Variants in NPAS2 observed in about 807,000 individuals in gnomAD.
NPAS2 encodes neuronal PAS domain-containing protein 2.
Under a neutral mutation model 107.5 loss-of-function variants are expected in NPAS2, and 23 were observed. That is an observed-to-expected ratio of 0.21 (90% CI 0.15 to 0.30). NPAS2 has a LOEUF of 0.30. Among genes scored for constraint, NPAS2 ranks in the 10% least tolerant of loss-of-function variants. The pLI is 1.00. For missense variants in NPAS2, 756 were observed against 1,043.3 expected, an observed-to-expected ratio of 0.72 and a Z score of 3.79; for synonymous variants, 403 against 417.5, an observed-to-expected ratio of 0.97 and a Z score of 0.42.
At chr2:100,958,707 T>C (rs539567549) in intron 7 of NPAS2, among the ~76,000 whole-genome samples, 1 of 152,090 alleles carries the variant, frequency 6.6e-6, no homozygotes, top group Non-Finnish European at 1.5e-5. Flanking sequence ...GGGGGGACCT[T>C]TCATACAAGT....
rs184820068 is a variant in NPAS2 at position 100,953,330 on chromosome 2, C to T, written c.598+3850C>T. Among the ~76,000 whole-genome samples the T allele has an allele frequency of 9.8e-4, 147 of 149,522 alleles. 2 individuals carry two copies. The East Asian group carries it at 0.022, about 23-fold the overall frequency. ...CGGAGGTTACAGTGAGTCGAGATCACGCCACAGTACTCCAGCCTGGGTGAC... is the reference window on the plus strand; with the variant it reads ...CGGAGGTTACAGTGAGTCGAGATCATGCCACAGTACTCCAGCCTGGGTGAC... On this transcript the variant is annotated intron_variant, in intron 7 of 20. Transcript: ENST00000335681.
intron 5 of NPAS2, among the ~76,000 whole-genome samples, chr2:100,946,245 T>A (rs1463662750): frequency 6.6e-6 from 1 of 151,766 alleles, no homozygotes; most frequent in Non-Finnish European, 1.5e-5. Flanking sequence ...CATGGAGGGG[T>A]AGAACCTGCT....
At chr2:100,961,711 C>T (rs550118060) in intron 7 of NPAS2, among the ~76,000 whole-genome samples, 35 of 152,316 alleles carry the variant, frequency 2.3e-4, no homozygotes, top group Admixed American at 5.9e-4. Context: ...GCAACCAGGG[C>T]CTCCCACTTC....
intron 5 of NPAS2, among the ~76,000 whole-genome samples, chr2:100,944,655 T>C (rs1674777951): frequency 2.0e-5 from 3 of 152,224 alleles, no homozygotes; most frequent in Non-Finnish European, 1.5e-5. Flanking sequence ...GTTTTCAGCA[T>C]GTGGAAGTAG....
chr2:100,882,164 C>T (rs1239355307), intron 1 of NPAS2, among the ~76,000 whole-genome samples: 2 of 152,226 alleles, frequency 1.3e-5, no homozygotes, highest in Non-Finnish European at 2.9e-5. Context: ...TACCCACCAC[C>T]TGGTTTCCCC....
At chr2:100,874,041 C>T (rs571421634) in intron 1 of NPAS2, among the ~76,000 whole-genome samples, 3 of 132,600 alleles carry the variant, frequency 2.3e-5, no homozygotes, top group Non-Finnish European at 4.9e-5. Flanking sequence ...AGTGCAGTGG[C>T]GTGATCTCGG....
chr2:100,844,770 G>A (rs762668600), intron 1 of NPAS2, among the ~76,000 whole-genome samples: 1 of 152,190 alleles, frequency 6.6e-6, no homozygotes, highest in African/African-American at 2.4e-5. Context: ...AATGGGTTGT[G>A]TATAGTTGCG....
rs1170620508 is a variant in NPAS2 at position 100,925,151 on chromosome 2, C to A, written c.38C>A (p.Ser13Tyr). 1.1e-5 allele frequency: 18 copies of A among 1,610,680 alleles called. No individual in the cohort carries two copies. Among genetic ancestry groups the A allele is most frequent in the Non-Finnish European group, 1.5e-5 (18 of 1,177,466 alleles). Reference protein sequence around the residue: ...EDEKDRAKRASRNKSEKKRRD... With the variant: ...EDEKDRAKRAYRNKSEKKRRD... ...TGCTCGTTTTGTGTTTACAGAGCTTCTCGAAACAAGTCTGAGAAGAAGCGT... is the reference window on the plus strand; with the variant it reads ...TGCTCGTTTTGTGTTTACAGAGCTTATCGAAACAAGTCTGAGAAGAAGCGT... Residue 13 changes from serine (S) to tyrosine (Y), a missense_variant, in exon 3 of 21, where the codon TCT (serine) becomes TAT (tyrosine). Ser to Tyr is a moderately radical substitution (Grantham distance 144). This residue lies in a region of NPAS2 where 146 missense variants were observed against 249.6 expected (regional missense o/e 0.58). Coordinates refer to ENST00000335681, the MANE Select transcript of NPAS2 (RefSeq NM_002518.4).
chr2:100,852,473 T>C (rs931465496), intron 1 of NPAS2, among the ~76,000 whole-genome samples: 4 of 152,140 alleles, frequency 2.6e-5, no homozygotes, highest in Non-Finnish European at 4.4e-5. Context: ...GAGGCAAGAA[T>C]TTTCCCCCAT....
chr2:100,967,741 A>T (rs749563739), intron 10 of NPAS2, among the ~76,000 whole-genome samples: 1 of 151,944 alleles, frequency 6.6e-6, no homozygotes, highest in Non-Finnish European at 1.5e-5. Context: ...AGACATCACT[A>T]TGGGGGGGCT....
At chr2:100,937,348 T>C (rs1684391249) in intron 4 of NPAS2, among the ~76,000 whole-genome samples, 1 of 152,228 alleles carries the variant, frequency 6.6e-6, no homozygotes, top group South Asian at 2.1e-4. Flanking sequence ...GGCAAATGTT[T>C]ACCATTGAAC....
At chr2:100,842,081 G>GTGCGCGCGCACACACA (rs1553441796) in intron 1 of NPAS2, among the ~76,000 whole-genome samples, 3 of 148,798 alleles carry the variant, frequency 2.0e-5, no homozygotes, top group African/African-American at 7.4e-5. Context: ...GCATGTACGC[G>GTGCGCGCGCACACACA]CACACACACA....
At chr2:100,867,483 T>C (rs894664519) in intron 1 of NPAS2, among the ~76,000 whole-genome samples, 1 of 152,230 alleles carries the variant, frequency 6.6e-6, no homozygotes, top group Non-Finnish European at 1.5e-5. Context: ...TGCCTTAAAG[T>C]CTGTCTGACA....
At chr2:100,988,037 C>A in intron 16 of NPAS2, 42 bp from the exon 17 acceptor site, 3 of 1,603,676 alleles carry the variant, frequency 1.9e-6, no homozygotes, top group Non-Finnish European at 2.6e-6. Context: ...TGGTGAGGTA[C>A]CCATGACCCC....
chr2:100,874,038 TGGC>T (rs76841235), intron 1 of NPAS2, among the ~76,000 whole-genome samples: 10,158 of 151,952 alleles, frequency 0.067, 696 homozygotes, highest in East Asian at 0.33. Context: ...TGGAGTGCAG[TGGC>T]GTGATCTCGG....
intron 3 of NPAS2, among the ~76,000 whole-genome samples, chr2:100,926,941 C>CTTTTTTTTTTTTTTTTTTTTT (rs71378131): frequency 1.6e-5 from 2 of 126,868 alleles, no homozygotes; most frequent in Non-Finnish European, 3.3e-5. Context: ...TTTTTTCTTT[C>CTTTTTTTTTTTTTTTTTTTTT]TTTTTTTTTT....
intron 1 of NPAS2, among the ~76,000 whole-genome samples, chr2:100,838,341 A>T (rs1249273275): frequency 6.6e-6 from 1 of 152,028 alleles, no homozygotes; most frequent in Non-Finnish European, 1.5e-5. Context: ...GTAGTGGTGC[A>T]ATCTCAGCTC....
At chr2:100,862,861 T>C (rs538258305) in intron 1 of NPAS2, among the ~76,000 whole-genome samples, 1 of 152,308 alleles carries the variant, frequency 6.6e-6, no homozygotes, top group African/African-American at 2.4e-5. Context: ...AGACCAGACA[T>C]GGCAGTGAGG....
Position 100,968,217 on chromosome 2 carries a change from C to A in NPAS2, c.908-64C>A. 1 of 1,530,184 alleles carries A rather than the reference C, an allele frequency of 6.5e-7. No homozygotes were observed. The highest frequency in any genetic ancestry group is 9.0e-7 in the Non-Finnish European group (1 of 1,109,908). 94.8% of individuals were successfully genotyped at this position (1,530,184 alleles called of 1,614,324 possible). A position where few individuals can be genotyped will look rare whatever the true frequency, so the allele number is the denominator to read the frequency against. On this transcript the variant is annotated intron_variant, in intron 10 of 20. Transcript: ENST00000335681. This position sits in a 1 kb window ranked among gnomAD's most constrained non-coding sequence, Gnocchi z 5.3. ...TTGAAAGCTTATCTTTACAATAACT[C>A]TTGGGGAAAAGATCATTTTCATATT...
Sources: allele counts gnomAD v4.1 joint callset (sites outside exome capture counted in the v4.1 genomes callset), GRCh38; gene constraint gnomAD v4.1.1; regional missense constraint gnomAD v4.1.1; non-coding constraint Gnocchi (gnomAD v3.1); transcripts MANE v1.5; gene names NCBI Gene and HGNC (gene_info 2026-07-23, HGNC 2026-07-21).